RTTN: variants seen among roughly 807,000 people sequenced by gnomAD.
The protein encoded by RTTN is rotatin.
A neutral mutation model predicts 269.2 loss-of-function variants in RTTN; 182 were observed. That is an observed-to-expected ratio of 0.68 (90% CI 0.60 to 0.76). RTTN has a LOEUF of 0.76. Ranked by LOEUF, RTTN falls within the 30% of genes least tolerant of loss-of-function variation. The pLI is 0.00. For synonymous variants in RTTN, 1,006 were observed against 963.5 expected, an observed-to-expected ratio of 1.04 and a Z score of -0.82; for missense variants, 2,545 against 2,608.6, an observed-to-expected ratio of 0.98 and a Z score of 0.53.
chr18:70,017,077 T>C (rs967910997), intron 46 of RTTN, among the ~76,000 whole-genome samples: 1 of 152,094 alleles, frequency 6.6e-6, no homozygotes, highest in African/African-American at 2.4e-5. Context: ...TGCTTGAAGA[T>C]GCAGAAGAGG....
At chr18:70,140,317 C>A in intron 19 of RTTN, 129 bp from the exon 20 acceptor site, 1 of 582,888 alleles carries the variant, frequency 1.7e-6, no homozygotes, top group African/African-American at 1.9e-5. Context: ...CTGGGGTTGA[C>A]ATAAGAGTAT....
At chr18:70,170,592 C>T (rs1226892299) in intron 11 of RTTN, among the ~76,000 whole-genome samples, 1 of 152,176 alleles carries the variant, frequency 6.6e-6, no homozygotes, top group African/African-American at 2.4e-5. Flanking sequence ...AGCAAGAAAG[C>T]CAGTGGAGCT....
At chr18:70,145,506 C>T in intron 18 of RTTN, 106 bp downstream of exon 18, 1 of 782,096 alleles carries the variant, frequency 1.3e-6, no homozygotes, top group Non-Finnish European at 1.9e-6. Flanking sequence ...CCCCATACTT[C>T]TCTCCCTCCC....
intron 44 of RTTN, among the ~76,000 whole-genome samples, chr18:70,021,977 A>G (rs1272799751): frequency 6.6e-6 from 1 of 152,174 alleles, no homozygotes; most frequent in Non-Finnish European, 1.5e-5. Flanking sequence ...AGAAGAAAGT[A>G]CAAAAACTTG....
At chr18:70,140,393 T>A (rs1229710929) in intron 19 of RTTN, among the ~76,000 whole-genome samples, 1 of 152,174 alleles carries the variant, frequency 6.6e-6, no homozygotes, top group Non-Finnish European at 1.5e-5. Flanking sequence ...AAAAAGCATA[T>A]CTTACTTCTG....
At chr18:70,012,085 G>C (rs2056395526) in intron 46 of RTTN, among the ~76,000 whole-genome samples, 1 of 99,854 alleles carries the variant, frequency 1.0e-5, no homozygotes, top group African/African-American at 3.1e-5. Context: ...TGGTTACAGG[G>C]CAGCATCTGC....
At chr18:70,086,457 G>A (rs1031320593) in intron 32 of RTTN, among the ~76,000 whole-genome samples, 156 bp downstream of exon 32, 2 of 151,918 alleles carry the variant, frequency 1.3e-5, no homozygotes. Flanking sequence ...TTTTAAGTCT[G>A]GTCGGCATAA....
At chr18:70,009,593 A>G (rs2056307063) in intron 46 of RTTN, among the ~76,000 whole-genome samples, 1 of 152,222 alleles carries the variant, frequency 6.6e-6, no homozygotes. Context: ...CTAAATATGG[A>G]AAGGAAAAAC....
chr18:70,017,524 G>C lies in RTTN; in HGVS notation c.6304C>G (p.Leu2102Val). 10 of 1,614,018 alleles carry C rather than the reference G, an allele frequency of 6.2e-6. No homozygotes were observed. Among genetic ancestry groups the C allele is most frequent in the Non-Finnish European group, 8.5e-6 (10 of 1,179,968 alleles). ...TTGCTCATCTCTGTTAGTAAGTCTA[G>C]ACAGCCATCAAGCCTCAGAATCATT... ...QQMILRLDGC[L>V]DLLTEMSKYK... The change falls in exon 46 of 49, where the codon CTA (leucine) becomes GTA (valine). Residue 2102 changes from leucine (L) to valine (V), a missense_variant. Coordinates refer to ENST00000640769, the MANE Select transcript of RTTN (RefSeq NM_173630.4).
At chr18:70,141,705 C>G (rs1568451618) in intron 19 of RTTN, among the ~76,000 whole-genome samples, 1 of 152,054 alleles carries the variant, frequency 6.6e-6, no homozygotes, top group Non-Finnish European at 1.5e-5. Context: ...ACCAACATGG[C>G]ACATGTATAC....
chr18:70,006,381 C>A lies in RTTN; in HGVS notation c.6525G>T (p.Lys2175Asn). 6.2e-7 allele frequency: 1 copy of A among 1,609,932 alleles called. No individual in the cohort carries two copies. The highest frequency in any genetic ancestry group is 8.5e-7 in the Non-Finnish European group (1 of 1,176,230). ...ALWALIYNYQKAKTALKSPSV... is the reference protein window; with the variant it reads ...ALWALIYNYQNAKTALKSPSV... ...TGTAACAATGATTTTTAAAACTGAC[C>A]TTCTGATAATTGTAAATCAGAGCCC... is the stretch of plus-strand genomic sequence containing the variant. The change falls in exon 47 of 49, where the codon AAG (lysine) becomes AAT (asparagine). Residue 2175 changes from lysine (K) to asparagine (N), a missense_variant and splice_region_variant. Physicochemically the swap from Lys to Asn is moderately conservative, Grantham distance 94. Coordinates refer to ENST00000640769, the MANE Select transcript of RTTN (RefSeq NM_173630.4).
At chr18:70,186,873 CAG>C (rs999630203) in intron 10 of RTTN, among the ~76,000 whole-genome samples, 2 of 152,110 alleles carry the variant, frequency 1.3e-5, no homozygotes, top group Non-Finnish European at 2.9e-5. Context: ...TACTCGACGG[CAG>C]AGAGTGGGAG....
chr18:70,086,729 A>C (rs1423847424), intron 31 of RTTN, 45 bp from the exon 32 acceptor site: 1 of 1,099,840 alleles, frequency 9.1e-7, no homozygotes, highest in East Asian at 3.5e-5. Flanking sequence ...AAAAAAAAAA[A>C]AAAAGGTCAA....
At chr18:70,173,843 A>G (rs1208857604) in intron 11 of RTTN, among the ~76,000 whole-genome samples, 1 of 152,238 alleles carries the variant, frequency 6.6e-6, no homozygotes, top group African/African-American at 2.4e-5. Context: ...AATATTTTGT[A>G]ATAAAAGTTA....
chr18:70,152,142 T>C (rs62089130), intron 14 of RTTN, among the ~76,000 whole-genome samples: 5,029 of 152,322 alleles, frequency 0.033, 135 homozygotes, highest in Non-Finnish European at 0.047. Flanking sequence ...GGTTAGATCC[T>C]AGACAGCCTT....
chr18:70,121,715 C>A lies in RTTN; in HGVS notation c.3384-15G>T. Reference sequence around the variant, plus strand: ...CCTGTAAAAACCTATAATGAAAAGACAATAATCATGGTTTCTGGCGCTTTA... The same window carrying A: ...CCTGTAAAAACCTATAATGAAAAGAAAATAATCATGGTTTCTGGCGCTTTA... On this transcript the variant is annotated splice_polypyrimidine_tract_variant and intron_variant, in intron 25 of 48. Transcript: ENST00000640769. 1 of 1,525,816 alleles carries A rather than the reference C, an allele frequency of 6.6e-7. No homozygotes were observed. Among genetic ancestry groups the A allele is most frequent in the Admixed American group, 2.5e-5 (1 of 40,810 alleles). 94.5% of individuals were successfully genotyped at this position (1,525,816 alleles called of 1,614,324 possible). A position where few individuals can be genotyped will look rare whatever the true frequency, so the allele number is the denominator to read the frequency against.
Position 70,048,133 on chromosome 18 carries a change from G to A in RTTN, c.5379C>T (p.Ala1793=), listed in dbSNP as rs1358158320. ...LSATCPALYT[A]SLQFLSVLLT... is the part of the protein sequence containing the mutation. ...AGAGAACAGAAAGGAATTGCAAGCT[G>A]GCAGTATACAGGGCAGGACACGTGG... Residue 1793 remains alanine, a synonymous_variant, in exon 40 of 49, where the codon GCC becomes GCT. Transcript: ENST00000640769. 1.2e-6 allele frequency: 2 copies of A among 1,614,086 alleles called. No individual in the cohort carries two copies. Among genetic ancestry groups the A allele is most frequent in the African/African-American group, 1.3e-5 (1 of 75,042 alleles).
intron 4 of RTTN, among the ~76,000 whole-genome samples, chr18:70,200,207 G>GT (rs1291468323): frequency 6.6e-6 from 1 of 152,202 alleles, no homozygotes; most frequent in African/African-American, 2.4e-5. Context: ...GTGGATAGCA[G>GT]TATTATTAAA....
At chr18:70,113,987 C>A (rs979564256) in intron 27 of RTTN, among the ~76,000 whole-genome samples, 3 of 151,952 alleles carry the variant, frequency 2.0e-5, no homozygotes, top group Admixed American at 6.6e-5. Flanking sequence ...GCAAACATTG[C>A]GGATATACTA....
Sources: gnomAD v4.1 joint callset for allele counts (sites outside exome capture counted in the v4.1 genomes callset) on GRCh38, gnomAD v4.1.1 for gene constraint, MANE v1.5 for transcripts, NCBI Gene and HGNC (gene_info 2026-07-23, HGNC 2026-07-21) for gene names.